The following CATSPERE variants were observed in gnomAD, a reference collection of about 807,000 sequenced individuals.
CATSPERE encodes the protein cation channel sperm-associated auxiliary subunit epsilon.
In CATSPERE, 93 loss-of-function variants were observed where a neutral mutation model predicts 114.1. The observed-to-expected ratio is 0.81, with a 90% confidence interval of 0.69 to 0.97. CATSPERE has a LOEUF of 0.97. Ranked by LOEUF, CATSPERE falls within the 50% of genes least tolerant of loss-of-function variation. The pLI is 0.00. For synonymous variants in CATSPERE, 341 were observed against 384.1 expected, an observed-to-expected ratio of 0.89 and a Z score of 1.31; for missense variants, 1,058 against 1,131.6, an observed-to-expected ratio of 0.93 and a Z score of 0.93.
chr1:244,536,678 G>A (rs535960541), intron 8 of CATSPERE, among the ~76,000 whole-genome samples: 26 of 152,178 alleles, frequency 1.7e-4, no homozygotes, highest in Admixed American at 3.9e-4. Flanking sequence ...CTTTCCCACC[G>A]TCTTCAGTGT....
intron 11 of CATSPERE, 131 bp from the exon 12 acceptor site, chr1:244,581,665 T>C (rs1330114332): frequency 6.4e-5 from 34 of 531,208 alleles, no homozygotes; most frequent in South Asian, 3.6e-4. Context: ...TACTTACACG[T>C]GATGAACATC....
upstream of CATSPERE, among the ~76,000 whole-genome samples, chr1:244,456,357 T>A (rs529774840): frequency 5.8e-4 from 88 of 152,080 alleles, 1 homozygote; most frequent in Middle Eastern, 3.4e-3. Flanking sequence ...CTGAAGCCAG[T>A]AATCCAATTA....
intron 10 of CATSPERE, among the ~76,000 whole-genome samples, chr1:244,569,640 A>G (rs1043455508): frequency 2.6e-5 from 4 of 152,134 alleles, no homozygotes; most frequent in African/African-American, 9.7e-5. Context: ...AAGATATTAT[A>G]TATTTTCATT....
chr1:244,615,239 CAA>C (rs568497256), intron 19 of CATSPERE, among the ~76,000 whole-genome samples: 54 of 69,226 alleles, frequency 7.8e-4, no homozygotes, highest in Admixed American at 8.3e-4. Flanking sequence ...TTGGGCAGAC[CAA>C]AAAAAAAAAA....
rs1272560688 is a variant in CATSPERE, at chr1:244,591,841, A to G, written c.2189+110A>G. 23 of 680,416 alleles carry G rather than the reference A, an allele frequency of 3.4e-5. No homozygotes were observed. The East Asian group carries it at 6.9e-4, about 21-fold the overall frequency. The allele number at this position is 680,416 out of a possible 1,614,324, so 42.1% of individuals were successfully genotyped here. A position where few individuals can be genotyped will look rare whatever the true frequency, so the allele number is the denominator to read the frequency against. On this transcript the variant is annotated intron_variant, in intron 15 of 21. Coordinates refer to ENST00000366534, the MANE Select transcript of CATSPERE (RefSeq NM_001130957.2). Reference sequence around the variant, plus strand: ...TATTAGCATCCATGTGTTCGGCTTGACACTGTGCAGTCAGTTTTAGCATTA... The same window carrying G: ...TATTAGCATCCATGTGTTCGGCTTGGCACTGTGCAGTCAGTTTTAGCATTA...
At chr1:244,490,791 T>G (rs993854201) in intron 6 of CATSPERE, among the ~76,000 whole-genome samples, 3 of 152,298 alleles carry the variant, frequency 2.0e-5, no homozygotes, top group Middle Eastern at 3.4e-3. Context: ...TTTAAAATAT[T>G]GAGCATCCAT....
At chr1:244,514,156 T>C (rs569116308) in intron 7 of CATSPERE, among the ~76,000 whole-genome samples, 110 of 152,146 alleles carry the variant, frequency 7.2e-4, no homozygotes, top group African/African-American at 2.6e-3. Context: ...CAAGAAATCA[T>C]TGCCAAATCC....
intron 8 of CATSPERE, among the ~76,000 whole-genome samples, chr1:244,538,747 C>G (rs1263087676): frequency 6.6e-6 from 1 of 152,188 alleles, no homozygotes; most frequent in Non-Finnish European, 1.5e-5. Flanking sequence ...TCAACTTTCC[C>G]AGCATTCTGG....
At chr1:244,561,202 TATA>T (rs1333486987) in intron 10 of CATSPERE, 57 bp downstream of exon 10, 3 of 1,222,588 alleles carry the variant, frequency 2.5e-6, no homozygotes, top group Non-Finnish European at 3.5e-6. Context: ...ACATCTTCCT[TATA>T]ATGATGTAAC....
chr1:244,524,070 C>T (rs1432452594), intron 8 of CATSPERE, among the ~76,000 whole-genome samples: 2 of 151,616 alleles, frequency 1.3e-5, no homozygotes, highest in African/African-American at 4.9e-5. Flanking sequence ...AGGCATCACA[C>T]TACCTGACTT....
chr1:244,561,252 C>A, intron 10 of CATSPERE, 107 bp downstream of exon 10: 1 of 772,140 alleles, frequency 1.3e-6, no homozygotes, highest in Non-Finnish European at 2.1e-6. Flanking sequence ...TTTTTGGCAG[C>A]CAAAGGTGCA....
intron 8 of CATSPERE, among the ~76,000 whole-genome samples, chr1:244,530,460 C>T (rs570327567): frequency 6.6e-6 from 1 of 152,158 alleles, no homozygotes; most frequent in South Asian, 2.1e-4. Context: ...GTGATTCATC[C>T]AGTTTTGTTC....
intron 8 of CATSPERE, among the ~76,000 whole-genome samples, chr1:244,520,318 T>C (rs757026656): frequency 2.0e-5 from 3 of 147,588 alleles, no homozygotes; most frequent in Non-Finnish European, 3.0e-5. Flanking sequence ...TGAGTTCATT[T>C]TGTGGTAGGG....
intron 7 of CATSPERE, among the ~76,000 whole-genome samples, chr1:244,510,570 A>T (rs1400391086): frequency 6.6e-6 from 1 of 152,198 alleles, no homozygotes; most frequent in Admixed American, 6.5e-5. Flanking sequence ...TGATTAAAAG[A>T]ATGTGTATTC....
At chr1:244,626,344 G>A (rs540487376) in intron 20 of CATSPERE, among the ~76,000 whole-genome samples, 1 of 152,084 alleles carries the variant, frequency 6.6e-6, no homozygotes, top group South Asian at 2.1e-4. Context: ...GACTAGCCAG[G>A]TGTGGTGGCA....
intron 6 of CATSPERE, among the ~76,000 whole-genome samples, chr1:244,492,810 CAG>C (rs1200005294): frequency 1.4e-5 from 2 of 147,646 alleles, no homozygotes; most frequent in African/African-American, 5.0e-5. Flanking sequence ...AACAGACAAA[CAG>C]AGAGCCAAAT....
intron 8 of CATSPERE, among the ~76,000 whole-genome samples, chr1:244,545,303 T>G (rs780583549): frequency 5.3e-5 from 8 of 152,224 alleles, no homozygotes; most frequent in Non-Finnish European, 1.2e-4. Flanking sequence ...GCACAATGCC[T>G]AATGGGCCTC....
At chr1:244,597,076 C>G (rs536590235) in intron 17 of CATSPERE, among the ~76,000 whole-genome samples, 2 of 152,266 alleles carry the variant, frequency 1.3e-5, no homozygotes, top group Admixed American at 6.5e-5. Context: ...GCTCCTGAAA[C>G]TGTCCTCCTC....
intron 5 of CATSPERE, among the ~76,000 whole-genome samples, chr1:244,484,080 C>A (rs1235789137): frequency 1.3e-5 from 2 of 152,164 alleles, no homozygotes; most frequent in African/African-American, 4.8e-5. Flanking sequence ...AGAATATCTT[C>A]TCTTTCACAT....
Sources: gnomAD v4.1 joint callset for allele counts (sites outside exome capture counted in the v4.1 genomes callset) on GRCh38, gnomAD v4.1.1 for gene constraint, MANE v1.5 for transcripts, NCBI Gene and HGNC (gene_info 2026-07-23, HGNC 2026-07-21) for gene names.